Variants in ZNF566 observed in about 807,000 individuals in gnomAD.
ZNF566 encodes zinc finger protein 566.
Under a neutral mutation model 32.8 loss-of-function variants are expected in ZNF566, and 27 were observed. The ratio of observed to expected loss-of-function variants is 0.82; its 90% CI spans 0.61 to 1.14. The LOEUF (loss-of-function observed/expected upper bound fraction) is 1.14, where lower values mean the gene tolerates loss of function less well. ZNF566 is among the 50% of genes most tolerant of loss of function. The probability of loss-of-function intolerance (pLI) is 0.00; values close to 1 mark genes in which losing one functional copy is unlikely to be tolerated. For missense variants in ZNF566, 402 were observed against 490.4 expected (o/e 0.82, Z 1.70); for synonymous variants, 154 against 159.5 (o/e 0.97, Z 0.26).
At chr19:36,474,698 A>G (rs1166839477) in intron 2 of ZNF566, among the ~76,000 whole-genome samples, 2 of 152,188 alleles carry the variant, frequency 1.3e-5, no homozygotes, top group Admixed American at 1.3e-4. Flanking sequence ...CCTTGTAGAC[A>G]TGTGTAAAAT....
At chr19:36,454,366 A>C (rs2033246627) in intron 4 of ZNF566, among the ~76,000 whole-genome samples, 1 of 152,168 alleles carries the variant, frequency 6.6e-6, no homozygotes, top group South Asian at 2.1e-4. Context: ...AAAAAGAAAG[A>C]GTGAGATAGG....
chr19:36,486,891 G>A (rs1206256919), intron 1 of ZNF566, among the ~76,000 whole-genome samples: 3 of 150,912 alleles, frequency 2.0e-5, no homozygotes, highest in East Asian at 3.9e-4. Context: ...AGGCTGAGGC[G>A]GGCGGGAGTT....
Position 36,476,396 on chromosome 19 carries a change from C to CT in ZNF566, c.9+152dup, listed in dbSNP as rs377474986. Reference sequence around the variant, plus strand: ...GAATTGGCCTGTTAGAGATCCTTTCCTTTACAGCAAAATTCTGACATTGCT... The same window carrying CT: ...GAATTGGCCTGTTAGAGATCCTTTCCTTTTACAGCAAAATTCTGACATTGCT... On this transcript the variant is annotated intron_variant, in intron 2 of 4. Coordinates refer to ENST00000452939, the MANE Select transcript of ZNF566 (RefSeq NM_001145344.1). 12 of 550,640 alleles carry CT rather than the reference C, an allele frequency of 2.2e-5. No individual in the cohort carries two copies. In the African/African-American group the frequency reaches 2.3e-4, roughly 11 times the overall value. 34.1% of individuals were successfully genotyped at this position (550,640 alleles called of 1,614,324 possible).
rs575184690 is a variant in ZNF566, at chr19:36,449,608, C to T, written c.626G>A (p.Arg209Lys). The stretch of plus-strand genomic sequence containing the variant: ...ATGATGAGTGAGTCTTGAGGGATGT[C>T]TAAAGGACTTTCCACATTCCTTACA... The part of the protein sequence containing the change: ...YECKECGKSF[R>K]HPSRLTHHQK... The change falls in exon 5 of 5, where the codon AGA becomes AAA. Residue 209 changes from arginine (R) to lysine (K), a missense_variant. Physicochemically the swap from Arg to Lys is conservative, Grantham distance 26. Around this residue, in one of 3 missense-constraint regions of ZNF566, gnomAD observed 220 missense variants for 241.9 expected, o/e 0.91. Transcript: ENST00000452939. 2 of 1,614,108 alleles carry T rather than the reference C, an allele frequency of 1.2e-6. No individual in the cohort carries two copies. Among genetic ancestry groups the T allele is most frequent in the Non-Finnish European group, 1.7e-6 (2 of 1,180,022 alleles).
intron 1 of ZNF566, among the ~76,000 whole-genome samples, chr19:36,482,535 C>T (rs1230949883): frequency 6.6e-6 from 1 of 150,940 alleles, no homozygotes; most frequent in East Asian, 1.9e-4. Context: ...AAAAGAGTGG[C>T]AAAGAAAAGA....
chr19:36,451,831 C>A (rs2033165694), intron 4 of ZNF566, among the ~76,000 whole-genome samples: 1 of 152,028 alleles, frequency 6.6e-6, no homozygotes. Flanking sequence ...CATGGTGAAA[C>A]CCTATCTCTA....
In ZNF566 at chr19:36,446,600, T is replaced by G. The variant is rs2033000685; in HGVS notation, c.*2377A>C. On this transcript the variant is annotated 3_prime_UTR_variant, in exon 5 of 5. Transcript: ENST00000452939. Reference sequence around the variant, plus strand: ...CATTAATTTGGGTGCAAATGCACTATCTCTATAATTTTAGATGAAGAACTT... The same window carrying G: ...CATTAATTTGGGTGCAAATGCACTAGCTCTATAATTTTAGATGAAGAACTT... The G allele has an allele frequency of 6.6e-6, 1 of 152,244 alleles. No individual in the cohort carries two copies. Among genetic ancestry groups the G allele is most frequent in the Non-Finnish European group, 1.5e-5 (1 of 68,050 alleles). 9.4% of individuals were successfully genotyped at this position (152,244 alleles called of 1,614,324 possible). A position where few individuals can be genotyped will look rare whatever the true frequency, so the allele number is the denominator to read the frequency against.
rs2033062063 is a variant in ZNF566, at chr19:36,448,890, T to C, written c.*87A>G. The C allele has an allele frequency of 3.5e-6, 4 of 1,129,542 alleles. No homozygotes were observed. In the South Asian group the frequency reaches 5.3e-5, roughly 15 times the overall value. 70.0% of individuals were successfully genotyped at this position (1,129,542 alleles called of 1,614,324 possible). ...CCACAAATAAAATGTTTCTACATTA[T>C]TCTATCTAGAGGAATTATTAACAAG... On this transcript the variant is annotated 3_prime_UTR_variant, in exon 5 of 5. Transcript: ENST00000452939.
At chr19:36,481,980 A>G (rs1382520725) in intron 1 of ZNF566, among the ~76,000 whole-genome samples, 1 of 152,236 alleles carries the variant, frequency 6.6e-6, no homozygotes, top group Non-Finnish European at 1.5e-5. Flanking sequence ...AGAGAATGCT[A>G]TCTTTAATGT....
intron 1 of ZNF566, among the ~76,000 whole-genome samples, chr19:36,484,147 T>C (rs1366034042): frequency 1.3e-5 from 2 of 152,248 alleles, no homozygotes; most frequent in East Asian, 3.8e-4. Flanking sequence ...GTGCTGAGAT[T>C]ACAGGCGCCA....
At chr19:36,481,252 C>G (rs1600177734) in intron 1 of ZNF566, among the ~76,000 whole-genome samples, 1 of 152,016 alleles carries the variant, frequency 6.6e-6, no homozygotes, top group East Asian at 1.9e-4. Flanking sequence ...TGGTGGATCA[C>G]CTGAGGTCAG....
intron 1 of ZNF566, among the ~76,000 whole-genome samples, chr19:36,484,160 C>G (rs756577451): frequency 2.0e-5 from 3 of 152,234 alleles, no homozygotes; most frequent in Non-Finnish European, 2.9e-5. Context: ...AGGCGCCAGC[C>G]TCTGTGCCCA....
chr19:36,482,638 A>G (rs1270005560), intron 1 of ZNF566, among the ~76,000 whole-genome samples: 2 of 152,220 alleles, frequency 1.3e-5, no homozygotes, highest in East Asian at 3.8e-4. Context: ...TGTAGTTACT[A>G]AATACTTTTT....
rs1252762780 is a variant in ZNF566, at chr19:36,449,603, G to T, written c.631C>A (p.Pro211Thr). 6.2e-7 allele frequency: 1 copy of T among 1,613,924 alleles called. No individual in the cohort carries two copies. The highest frequency in any genetic ancestry group is 2.2e-5 in the East Asian group (1 of 44,840). The change falls in exon 5 of 5, where the codon CCC becomes ACC. Residue 211 changes from proline to threonine, a missense_variant. Physicochemically the swap from Pro to Thr is conservative, Grantham distance 38 (BLOSUM62 -1). Around this residue, in one of 3 missense-constraint regions of ZNF566, gnomAD observed 220 missense variants for 241.9 expected, o/e 0.91. Transcript: ENST00000452939. ...TTCTGATGATGAGTGAGTCTTGAGGGATGTCTAAAGGACTTTCCACATTCC... is the reference window on the plus strand; with the variant it reads ...TTCTGATGATGAGTGAGTCTTGAGGTATGTCTAAAGGACTTTCCACATTCC... ...CKECGKSFRH[P>T]SRLTHHQKIH...
chr19:36,449,030 TTCC>T lies in ZNF566; in HGVS notation c.1201_1203del (p.Gly401del). 1 of 1,606,804 alleles carries T rather than the reference TTCC, an allele frequency of 6.2e-7. No individual in the cohort carries two copies. Among genetic ancestry groups the T allele is most frequent in the Non-Finnish European group, 8.5e-7 (1 of 1,178,000 alleles). On this transcript the variant is annotated inframe_deletion, in exon 5 of 5. Coordinates refer to ENST00000452939, the MANE Select transcript of ZNF566 (RefSeq NM_001145344.1). ...AGTTGTGGGTCATAATTAAAGTTCT[TTCC>T]ACATTCCCTATATTCATAGGGTTTC...
intron 4 of ZNF566, among the ~76,000 whole-genome samples, chr19:36,453,988 T>C (rs2033236045): frequency 6.6e-6 from 1 of 152,096 alleles, no homozygotes; most frequent in African/African-American, 2.4e-5. Flanking sequence ...CACACCTGGC[T>C]AATTTTTTGT....
intron 2 of ZNF566, among the ~76,000 whole-genome samples, chr19:36,475,473 A>G (rs1316117138): frequency 6.6e-6 from 1 of 152,148 alleles, no homozygotes; most frequent in Non-Finnish European, 1.5e-5. Context: ...AAACAAAACC[A>G]CAGCATGTAT....
At chr19:36,469,172 G>A (rs2033699848) in intron 4 of ZNF566, among the ~76,000 whole-genome samples, 1 of 151,838 alleles carries the variant, frequency 6.6e-6, no homozygotes, top group African/African-American at 2.4e-5. Flanking sequence ...ATATAAGGGA[G>A]AAAGTATCAG....
At chr19:36,461,880 T>C (rs1248722464) in intron 4 of ZNF566, among the ~76,000 whole-genome samples, 2 of 152,106 alleles carry the variant, frequency 1.3e-5, no homozygotes, top group East Asian at 3.9e-4. Flanking sequence ...CAATCTGAAC[T>C]TACACTTTAG....
Sources: gnomAD v4.1 joint callset for allele counts (sites outside exome capture counted in the v4.1 genomes callset) on GRCh38, gnomAD v4.1.1 for gene constraint, gnomAD v4.1.1 regional missense constraint, MANE v1.5 for transcripts, NCBI Gene and HGNC (gene_info 2026-07-23, HGNC 2026-07-21) for gene names.